The following DNAJC8 variants were observed in gnomAD, a reference collection of about 807,000 sequenced individuals.
DNAJC8 encodes the protein DnaJ heat shock protein family (Hsp40) member C8.
DNAJC8 carries 24 observed loss-of-function variants against 43.2 expected under a neutral mutation model. The ratio of observed to expected loss-of-function variants is 0.56; its 90% CI spans 0.40 to 0.78. The LOEUF (loss-of-function observed/expected upper bound fraction) is 0.78, where lower values mean the gene tolerates loss of function less well. Ranked by LOEUF, DNAJC8 falls within the 30% of genes least tolerant of loss-of-function variation. DNAJC8 has a pLI of 0.00. For missense variants in DNAJC8, 207 were observed against 299.4 expected, an observed-to-expected ratio of 0.69 and a Z score of 2.28; for synonymous variants, 83 against 98.0, an observed-to-expected ratio of 0.85 and a Z score of 0.90.
In DNAJC8 at chr1:28,203,841, C is replaced by T. The variant is rs779508960; in HGVS notation, c.564-19G>A. On this transcript the variant is annotated intron_variant, in intron 7 of 8. Transcript: ENST00000263697. ...TCGTTTCCTAGGAGGAAAACCAGATCATAGTATTTATATGATACTTACAGA... is the reference window on the plus strand; with the variant it reads ...TCGTTTCCTAGGAGGAAAACCAGATTATAGTATTTATATGATACTTACAGA... 43 of 1,612,672 alleles carry T rather than the reference C, an allele frequency of 2.7e-5. No homozygotes were observed. Among genetic ancestry groups the T allele is most frequent in the Non-Finnish European group, 3.5e-5 (41 of 1,178,890 alleles).
intron 8 of DNAJC8, 126 bp from the exon 9 acceptor site, chr1:28,201,496 A>G: frequency 1.4e-6 from 2 of 1,433,870 alleles, no homozygotes; most frequent in South Asian, 2.6e-5. Context: ...ACCCAAGAGT[A>G]GAATAGAGCT....
chr1:28,224,999 G>GCAGTGAGCTATA (rs1162507472), intron 2 of DNAJC8, among the ~76,000 whole-genome samples: 3 of 151,178 alleles, frequency 2.0e-5, no homozygotes, highest in African/African-American at 7.3e-5. Context: ...GTTCGAGGTT[G>GCAGTGAGCTATA]CAGTGAGCTA....
At chr1:28,218,112 T>G (rs1188987965) in intron 2 of DNAJC8, among the ~76,000 whole-genome samples, 1 of 142,662 alleles carries the variant, frequency 7.0e-6, no homozygotes, top group East Asian at 2.0e-4. Context: ...TTTTTTTTTT[T>G]GAGATGGAGT....
rs570564958 is a variant in DNAJC8, at chr1:28,228,841, G to A, written c.180+81C>T. The A allele has an allele frequency of 4.2e-4, 459 of 1,092,860 alleles. 2 individuals carry two copies. The highest frequency in any genetic ancestry group is 5.9e-4 in the Non-Finnish European group (432 of 732,758). The allele number at this position is 1,092,860 out of a possible 1,614,324, so 67.7% of individuals were successfully genotyped here. On this transcript the variant is annotated intron_variant, in intron 2 of 8. Coordinates refer to ENST00000263697, the MANE Select transcript of DNAJC8 (RefSeq NM_014280.3). ...CAATCCTAACTATGATATAAATTAG[G>A]TATGTATTCTGATGTAGGTATGCCT...
intron 3 of DNAJC8, among the ~76,000 whole-genome samples, chr1:28,214,300 T>A (rs935798488): frequency 6.6e-6 from 1 of 152,004 alleles, no homozygotes; most frequent in African/African-American, 2.4e-5. Context: ...TTGGGGAGGC[T>A]GAAGCAGGTA....
At chr1:28,208,313 T>C (rs1373660832) in intron 6 of DNAJC8, 29 bp downstream of exon 6, 26 of 1,582,080 alleles carry the variant, frequency 1.6e-5, no homozygotes, top group Non-Finnish European at 1.9e-5. Context: ...TCACACAAGA[T>C]ACAGTGGCTT....
At chr1:28,232,447 C>CT (rs1257653889) in intron 1 of DNAJC8, among the ~76,000 whole-genome samples, 1 of 152,202 alleles carries the variant, frequency 6.6e-6, no homozygotes, top group Non-Finnish European at 1.5e-5. Context: ...TTTCACCTCC[C>CT]TAAAGCTCAG....
chr1:28,226,648 T>C (rs1013226769), intron 2 of DNAJC8, among the ~76,000 whole-genome samples: 2 of 151,380 alleles, frequency 1.3e-5, no homozygotes, highest in Admixed American at 6.6e-5. Flanking sequence ...ACATATTACT[T>C]ACACATCTAT....
chr1:28,220,980 G>T (rs1000082193), intron 2 of DNAJC8, among the ~76,000 whole-genome samples: 4 of 151,882 alleles, frequency 2.6e-5, no homozygotes, highest in African/African-American at 7.3e-5. Context: ...ATGCTTAACT[G>T]TTGCATTCAG....
intron 2 of DNAJC8, 79 bp downstream of exon 2, chr1:28,228,843 A>G: frequency 1.8e-6 from 2 of 1,101,208 alleles, no homozygotes; most frequent in East Asian, 4.7e-5. Context: ...TAAATTAGGT[A>G]TGTATTCTGA....
intron 3 of DNAJC8, among the ~76,000 whole-genome samples, chr1:28,212,164 AATAAATATATATAT>A (rs1374802416): frequency 0.076 from 2,318 of 30,544 alleles, 80 homozygotes; most frequent in Non-Finnish European, 0.11. Flanking sequence ...TCAATAAATA[AATAAATATATATAT>A]ATATATATAT....
At chr1:28,225,226 T>A (rs913573302) in intron 2 of DNAJC8, among the ~76,000 whole-genome samples, 1 of 151,260 alleles carries the variant, frequency 6.6e-6, no homozygotes, top group Non-Finnish European at 1.5e-5. Flanking sequence ...GTTTATATTG[T>A]GGTTCAGTAA....
intron 3 of DNAJC8, among the ~76,000 whole-genome samples, chr1:28,213,373 A>T (rs571606475): frequency 1.0e-3 from 152 of 152,124 alleles, no homozygotes; most frequent in Non-Finnish European, 1.2e-3. Context: ...AAAGCTAAAT[A>T]TAAGTATAGA....
chr1:28,231,413 G>A (rs1183825352), intron 1 of DNAJC8, among the ~76,000 whole-genome samples: 2 of 151,838 alleles, frequency 1.3e-5, no homozygotes, highest in Non-Finnish European at 2.9e-5. Context: ...CAAAATTAAT[G>A]TCTTGAACAA....
intron 3 of DNAJC8, among the ~76,000 whole-genome samples, chr1:28,211,162 A>AAAAAAC (rs71027265): frequency 2.3e-4 from 35 of 150,114 alleles, no homozygotes; most frequent in South Asian, 6.3e-4. Context: ...TGTCTCCAGG[A>AAAAAAC]AAAAACAAAA....
intron 2 of DNAJC8, among the ~76,000 whole-genome samples, chr1:28,215,967 C>T (rs914063208): frequency 5.3e-5 from 8 of 152,084 alleles, no homozygotes; most frequent in African/African-American, 1.9e-4. Flanking sequence ...TCAAGTGGTC[C>T]TCTGGTCTCA....
chr1:28,207,813 TG>T lies in DNAJC8; in HGVS notation c.471+528del, dbSNP rs368961619. Among the ~76,000 whole-genome samples the T allele has an allele frequency of 1.6e-3, 237 of 149,318 alleles. 5 individuals are homozygous for T. In the South Asian group the frequency reaches 0.051, roughly 32 times the overall value. ...GCTCATGCCTGTAATCCCAACACTT[TG>T]GGAGGCCGAGGCGGGTGGATCACCT... On this transcript the variant is annotated intron_variant, in intron 6 of 8. Transcript: ENST00000263697.
intron 6 of DNAJC8, 84 bp downstream of exon 6, chr1:28,208,258 T>C (rs1557706494): frequency 1.1e-6 from 1 of 929,152 alleles, no homozygotes; most frequent in South Asian, 1.9e-5. Flanking sequence ...ATATTCATCA[T>C]TCTTTTGGCT....
chr1:28,232,686 A>G (rs1365657619), intron 1 of DNAJC8, among the ~76,000 whole-genome samples: 1 of 152,150 alleles, frequency 6.6e-6, no homozygotes, highest in South Asian at 2.1e-4. Context: ...TATGTTGGAC[A>G]CACTCGCCAC....
Sources: gnomAD v4.1 joint callset for allele counts (sites outside exome capture counted in the v4.1 genomes callset) on GRCh38, gnomAD v4.1.1 for gene constraint, MANE v1.5 for transcripts, NCBI Gene and HGNC (gene_info 2026-07-23, HGNC 2026-07-21) for gene names.